CLVS1: variants seen among roughly 807,000 people sequenced by gnomAD.
CLVS1 encodes the protein clavesin-1.
Under a neutral mutation model 33.1 loss-of-function variants are expected in CLVS1, and 10 were observed. That is an observed-to-expected ratio of 0.30 (90% CI 0.19 to 0.51). The LOEUF (loss-of-function observed/expected upper bound fraction) is 0.51, where lower values mean the gene tolerates loss of function less well. CLVS1 is among the 20% of genes least tolerant of loss of function. The probability of loss-of-function intolerance (pLI) is 0.97; values close to 1 mark genes in which losing one functional copy is unlikely to be tolerated. For synonymous variants in CLVS1, 163 were observed against 166.1 expected (o/e 0.98, Z 0.14); for missense variants, 343 against 433.4 (o/e 0.79, Z 1.85).
chr8:61,122,969 C>T lies in CLVS1; in HGVS notation c.-242-8801C>T, dbSNP rs181955896. 2.6e-4 allele frequency among the ~76,000 whole-genome samples: 38 copies of T among 144,328 alleles called. 5 individuals carry two copies. Among genetic ancestry groups the T allele is most frequent in the African/African-American group, 8.8e-4 (35 of 39,830 alleles). The allele number at this position is 144,328 out of a possible 152,430, so 94.7% of individuals were successfully genotyped here. On this transcript the variant is annotated intron_variant, in intron 1 of 2. Transcript: ENST00000522621. ...GTAAAAACAAAAGAGTTATCTACTG[C>T]TTTAAAAAGTCTCATAGTGGCCAGG...
the CLVS1 span, among the ~76,000 whole-genome samples, chr8:61,018,743 G>C: frequency 1.3e-5 from 2 of 152,326 alleles, no homozygotes; most frequent in African/African-American, 4.8e-5. Context: ...CAAGTGGCTT[G>C]GTTGACTTTG....
intron 2 of CLVS1, among the ~76,000 whole-genome samples, chr8:61,147,545 A>G (rs1806444574): frequency 1.3e-5 from 2 of 152,192 alleles, no homozygotes; most frequent in African/African-American, 4.8e-5. Context: ...ACTCTATTTA[A>G]TTCTTGTGTG....
intron 2 of CLVS1, among the ~76,000 whole-genome samples, chr8:61,232,340 A>G (rs1049327416): frequency 2.0e-5 from 3 of 151,900 alleles, no homozygotes; most frequent in Non-Finnish European, 4.4e-5. Context: ...CTGGCCGAGG[A>G]AAGTTTTAGG....
chr8:61,467,085 A>G (rs1306003397), intron 5 of CLVS1, among the ~76,000 whole-genome samples: 4 of 152,148 alleles, frequency 2.6e-5, no homozygotes, highest in Non-Finnish European at 4.4e-5. Flanking sequence ...ACATGTACAT[A>G]TATATATAAT....
chr8:60,981,785 G>A, the CLVS1 span, among the ~76,000 whole-genome samples: 6 of 152,240 alleles, frequency 3.9e-5, no homozygotes, highest in Non-Finnish European at 8.8e-5. Flanking sequence ...CTGCCGGGAG[G>A]CCGAGGATGG....
intron 2 of CLVS1, among the ~76,000 whole-genome samples, chr8:61,335,190 A>C (rs1811753033): frequency 6.6e-6 from 1 of 152,244 alleles, no homozygotes; most frequent in Non-Finnish European, 1.5e-5. Flanking sequence ...AGGGAGAGTC[A>C]GAATCTGTAG....
intron 1 of CLVS1, among the ~76,000 whole-genome samples, chr8:61,103,006 T>C (rs1585612077): frequency 6.6e-6 from 1 of 152,168 alleles, no homozygotes; most frequent in East Asian, 1.9e-4. Flanking sequence ...TGATAGTAGA[T>C]CATAGTGAAG....
chr8:61,287,215 A>T (rs1401090182), upstream of CLVS1, among the ~76,000 whole-genome samples: 1 of 152,198 alleles, frequency 6.6e-6, no homozygotes, highest in Non-Finnish European at 1.5e-5. Flanking sequence ...CTTCAGCCCA[A>T]ACTGCCATAT....
intron 1 of CLVS1, among the ~76,000 whole-genome samples, chr8:61,079,094 G>A (rs1018265436): frequency 9.9e-5 from 15 of 152,138 alleles, no homozygotes; most frequent in Non-Finnish European, 1.5e-4. Context: ...CTCAAAAACC[G>A]TCTGGTTTAG....
At chr8:61,019,669 C>G in the CLVS1 span, among the ~76,000 whole-genome samples, 1 of 152,128 alleles carries the variant, frequency 6.6e-6, no homozygotes, top group Non-Finnish European at 1.5e-5. Context: ...GCTCTTTGCT[C>G]CACTAAAGCA....
chr8:61,196,416 T>C (rs1563440859), intron 2 of CLVS1, among the ~76,000 whole-genome samples: 1 of 152,208 alleles, frequency 6.6e-6, no homozygotes, highest in Non-Finnish European at 1.5e-5. Flanking sequence ...TAGAAGCCTA[T>C]AGAGCTGATC....
rs568688839 is a variant in CLVS1, at chr8:61,187,130, A to G, written c.-152+55270A>G. Among the ~76,000 whole-genome samples, 8 of 90,832 alleles carry G rather than the reference A, an allele frequency of 8.8e-5. No individual in the cohort carries two copies. In the South Asian group the frequency reaches 2.4e-3, roughly 27 times the overall value. The allele number at this position is 90,832 out of a possible 152,430, so 59.6% of individuals were successfully genotyped here. On this transcript the variant is annotated intron_variant, in intron 2 of 2. Transcript: ENST00000522621. ...TCCAAACATTTTCCAAGGCATTGCAATATTTTTTTTTCCACAGAAAAGACT... is the reference window on the plus strand; with the variant it reads ...TCCAAACATTTTCCAAGGCATTGCAGTATTTTTTTTTCCACAGAAAAGACT...
At chr8:61,352,946 C>T (rs959220099) in intron 2 of CLVS1, among the ~76,000 whole-genome samples, 3 of 151,878 alleles carry the variant, frequency 2.0e-5, no homozygotes, top group African/African-American at 2.4e-5. Flanking sequence ...ATTTTGTATA[C>T]GAGACTTGAG....
intron 2 of CLVS1, among the ~76,000 whole-genome samples, chr8:61,282,276 G>T (rs1180137175): frequency 6.6e-6 from 1 of 152,172 alleles, no homozygotes; most frequent in South Asian, 2.1e-4. Context: ...TAGGCAGAAG[G>T]CTTGAGTAGC....
intron 2 of CLVS1, among the ~76,000 whole-genome samples, chr8:61,271,396 CT>C (rs1293046910): frequency 6.7e-6 from 1 of 149,532 alleles, no homozygotes; most frequent in Non-Finnish European, 1.5e-5. Context: ...GTTATAATTT[CT>C]GTTCTTTTAT....
rs148373750 is a variant in CLVS1, at chr8:61,227,885, C to T, written c.-151-71792C>T. Among the ~76,000 whole-genome samples the T allele has an allele frequency of 4.3e-3, 661 of 152,248 alleles. 4 individuals carry two copies. The highest frequency in any genetic ancestry group is 0.015 in the African/African-American group (622 of 41,544). On this transcript the variant is annotated intron_variant, in intron 2 of 2. Coordinates refer to the CLVS1 transcript ENST00000522621. ...AGACAAAAAAATACTGTTAGTCAACCAAGTAATTCATTGAATAATGGAGCA... is the reference window on the plus strand; with the variant it reads ...AGACAAAAAAATACTGTTAGTCAACTAAGTAATTCATTGAATAATGGAGCA...
chr8:61,086,417 A>G (rs1324890188), intron 1 of CLVS1, among the ~76,000 whole-genome samples: 1 of 152,222 alleles, frequency 6.6e-6, no homozygotes, highest in Non-Finnish European at 1.5e-5. Flanking sequence ...TCAAGCAACG[A>G]ATAGTTTTCT....
rs925740864 is a variant in CLVS1 at position 61,330,812 on chromosome 8, G to C, written c.455+30530G>C. Among the ~76,000 whole-genome samples the C allele has an allele frequency of 5.3e-5, 8 of 152,184 alleles. No individual in the cohort carries two copies. The East Asian group carries it at 1.4e-3, about 26-fold the overall frequency. On this transcript the variant is annotated intron_variant, in intron 2 of 5. Transcript: ENST00000325897. ...GAAAAACATTGTGTGGTGCTGGACT[G>C]GGCTTGGTGTCTCGTGCCTGCAATC...
chr8:61,405,703 CT>C (rs775749517), intron 3 of CLVS1, among the ~76,000 whole-genome samples: 227 of 124,768 alleles, frequency 1.8e-3, no homozygotes, highest in East Asian at 3.4e-3. Flanking sequence ...GTGGAACTGA[CT>C]TTTTTTTTTT....
Sources: gnomAD v4.1 joint callset for allele counts (sites outside exome capture counted in the v4.1 genomes callset) on GRCh38, gnomAD v4.1.1 for gene constraint, MANE v1.5 for transcripts, NCBI Gene and HGNC (gene_info 2026-07-23, HGNC 2026-07-21) for gene names.